Variants in CTNNA2 observed in about 807,000 individuals in gnomAD.
The protein encoded by CTNNA2 is catenin alpha 2, also known as catenin alpha-2.
In CTNNA2, 42 loss-of-function variants were observed where a neutral mutation model predicts 101.0. The observed-to-expected ratio is 0.42, with a 90% CI of 0.32 to 0.54. CTNNA2 has a LOEUF of 0.54. CTNNA2 is among the 20% of genes least tolerant of loss of function. The pLI is 0.14. For synonymous variants in CTNNA2, 450 were observed against 456.4 expected (o/e 0.99, Z 0.18); for missense variants, 871 against 1,223.1 (o/e 0.71, Z 4.29).
intron 7 of CTNNA2, among the ~76,000 whole-genome samples, chr2:79,980,165 T>C (rs1691154926): frequency 1.3e-5 from 2 of 152,200 alleles, no homozygotes; most frequent in South Asian, 4.1e-4. Flanking sequence ...TGTTGTTCTA[T>C]GATTAAGTAA....
intron 7 of CTNNA2, among the ~76,000 whole-genome samples, chr2:80,345,463 G>A (rs1434999631): frequency 6.6e-6 from 1 of 151,774 alleles, no homozygotes; most frequent in African/African-American, 2.4e-5. Context: ...CCCAAGCCTT[G>A]GCTTTTATCT....
intron 1 of CTNNA2, among the ~76,000 whole-genome samples, chr2:79,625,677 A>G (rs1275871611): frequency 6.6e-6 from 1 of 152,150 alleles, no homozygotes; most frequent in Non-Finnish European, 1.5e-5. Flanking sequence ...AAAGACCAGG[A>G]ACTAGACAGA....
At chr2:79,889,416 C>T (rs184441853) in intron 6 of CTNNA2, among the ~76,000 whole-genome samples, 69 of 152,224 alleles carry the variant, frequency 4.5e-4, no homozygotes, top group African/African-American at 1.5e-3. Context: ...CTCATATGCA[C>T]GTATGATTAG....
At chr2:80,473,473 T>G (rs1685475022) in intron 9 of CTNNA2, among the ~76,000 whole-genome samples, 1 of 152,226 alleles carries the variant, frequency 6.6e-6, no homozygotes, top group African/African-American at 2.4e-5. Flanking sequence ...ATTCTAATTT[T>G]CCTAAAATGA....
intron 7 of CTNNA2, among the ~76,000 whole-genome samples, chr2:79,937,672 C>T (rs1410591362): frequency 6.6e-6 from 1 of 152,090 alleles, no homozygotes; most frequent in Non-Finnish European, 1.5e-5. Context: ...ATACTGAAGC[C>T]GGCCAAGGGC....
intron 7 of CTNNA2, among the ~76,000 whole-genome samples, chr2:80,261,773 A>G (rs1229117196): frequency 6.6e-6 from 1 of 152,230 alleles, no homozygotes. Context: ...ATAGAGGTTG[A>G]TGAATATTTG....
intron 7 of CTNNA2, among the ~76,000 whole-genome samples, chr2:80,059,414 T>C (rs1452876263): frequency 6.6e-6 from 1 of 152,238 alleles, no homozygotes; most frequent in Non-Finnish European, 1.5e-5. Flanking sequence ...AAACTCTGCC[T>C]TTGCAAGGAA....
chr2:80,426,442 T>A (rs768963313), intron 9 of CTNNA2, among the ~76,000 whole-genome samples: 3 of 152,128 alleles, frequency 2.0e-5, no homozygotes, highest in Non-Finnish European at 4.4e-5. Context: ...CTTTCCCTTC[T>A]CCTCCCATCT....
At chr2:79,552,966 T>G (rs1201543833) in intron 1 of CTNNA2, among the ~76,000 whole-genome samples, 1 of 152,256 alleles carries the variant, frequency 6.6e-6, no homozygotes, top group Admixed American at 6.5e-5. Context: ...ATTTGGCTCC[T>G]CTTTACAAAT....
intron 3 of CTNNA2, among the ~76,000 whole-genome samples, chr2:79,321,567 A>G (rs1279748210): frequency 6.6e-6 from 1 of 152,202 alleles, no homozygotes; most frequent in Admixed American, 6.5e-5. Flanking sequence ...AGTGTCTTTG[A>G]CAGTAACTCC....
At chr2:79,422,583 TTAGAG>T (rs1678550932) in intron 4 of CTNNA2, among the ~76,000 whole-genome samples, 1 of 152,158 alleles carries the variant, frequency 6.6e-6, no homozygotes, top group African/African-American at 2.4e-5. Flanking sequence ...AGCTTACAAC[TTAGAG>T]TAAAGGCTCA....
chr2:80,508,887 G>T (rs1688486717), intron 9 of CTNNA2, among the ~76,000 whole-genome samples: 1 of 152,112 alleles, frequency 6.6e-6, no homozygotes, highest in Non-Finnish European at 1.5e-5. Flanking sequence ...CCAGACTAGT[G>T]ATTCAATATG....
intron 4 of CTNNA2, among the ~76,000 whole-genome samples, chr2:79,469,544 C>T (rs970424656): frequency 1.3e-5 from 2 of 152,128 alleles, no homozygotes; most frequent in Non-Finnish European, 2.9e-5. Flanking sequence ...CCAGCATCAT[C>T]CCGATACCAA....
At chr2:79,418,677 C>T (rs1378007072) in intron 4 of CTNNA2, among the ~76,000 whole-genome samples, 1 of 151,902 alleles carries the variant, frequency 6.6e-6, no homozygotes, top group Non-Finnish European at 1.5e-5. Flanking sequence ...TTCTCTCTGC[C>T]GTCATCTGCA....
At chr2:79,521,323 T>C (rs1672112066) in intron 1 of CTNNA2, among the ~76,000 whole-genome samples, 1 of 151,928 alleles carries the variant, frequency 6.6e-6, no homozygotes, top group South Asian at 2.1e-4. Context: ...TCAGTCTGCA[T>C]GTTGACTGCT....
chr2:80,026,212 C>T (rs1299893049), intron 7 of CTNNA2, among the ~76,000 whole-genome samples: 2 of 152,014 alleles, frequency 1.3e-5, no homozygotes, highest in African/African-American at 2.4e-5. Context: ...GAGGGAGGAG[C>T]GTTTGAATGA....
At chr2:79,269,714 C>T (rs1675037160) in intron 2 of CTNNA2, among the ~76,000 whole-genome samples, 1 of 152,110 alleles carries the variant, frequency 6.6e-6, no homozygotes, top group Non-Finnish European at 1.5e-5. Context: ...TTCTGGGCTC[C>T]CCTAAGCACA....
At chr2:79,874,513 A>C (rs962524358) in intron 6 of CTNNA2, among the ~76,000 whole-genome samples, 171 bp downstream of exon 6, 1 of 152,204 alleles carries the variant, frequency 6.6e-6, no homozygotes. Flanking sequence ...TGGCTAAGCC[A>C]TTATCACTTG....
chr2:79,398,437 A>C (rs1678254434), intron 4 of CTNNA2, among the ~76,000 whole-genome samples: 1 of 152,068 alleles, frequency 6.6e-6, no homozygotes, highest in African/African-American at 2.4e-5. Context: ...ACAGTGTCAA[A>C]CCACCTGAGT....
Sources: gnomAD v4.1 joint callset for allele counts (sites outside exome capture counted in the v4.1 genomes callset) on GRCh38, gnomAD v4.1.1 for gene constraint, MANE v1.5 for transcripts, NCBI Gene and HGNC (gene_info 2026-07-23, HGNC 2026-07-21) for gene names.